UPP2: variants seen among roughly 807,000 people sequenced by gnomAD.
UPP2 encodes the protein UPase 2.
Under a neutral mutation model 26.7 loss-of-function variants are expected in UPP2, and 23 were observed. The observed-to-expected ratio is 0.86, with a 90% CI of 0.62 to 1.22. The LOEUF (loss-of-function observed/expected upper bound fraction) is 1.22. Among genes scored for constraint, UPP2 ranks in the 50% most tolerant of loss-of-function variants. UPP2 has a pLI of 0.00. For missense variants in UPP2, 387 were observed against 396.7 expected, an observed-to-expected ratio of 0.98 and a Z score of 0.21; for synonymous variants, 127 against 141.3, an observed-to-expected ratio of 0.90 and a Z score of 0.72.
At chr2:158,053,528 C>T (rs1377718825) in intron 3 of UPP2, among the ~76,000 whole-genome samples, 1 of 152,114 alleles carries the variant, frequency 6.6e-6, no homozygotes. Flanking sequence ...TAGCTCAGTA[C>T]CATGTACAGG....
chr2:157,996,964 A>T (rs1683332816), intron 2 of UPP2, among the ~76,000 whole-genome samples: 2 of 152,244 alleles, frequency 1.3e-5, no homozygotes, highest in South Asian at 4.1e-4. Context: ...AATATTGTTT[A>T]ATCAACTGCA....
intron 2 of UPP2, among the ~76,000 whole-genome samples, chr2:158,010,246 T>C (rs903055960): frequency 1.1e-4 from 17 of 152,168 alleles, no homozygotes; most frequent in African/African-American, 3.6e-4. Flanking sequence ...CTATAATAAT[T>C]ATGTATCACT....
intron 2 of UPP2, among the ~76,000 whole-genome samples, chr2:158,014,593 G>A (rs942222745): frequency 3.3e-5 from 5 of 152,136 alleles, no homozygotes; most frequent in East Asian, 1.9e-4. Flanking sequence ...CTTTTGCTGC[G>A]TGGCTATATT....
At chr2:158,131,193 G>A (rs1169860966) in intron 6 of UPP2, among the ~76,000 whole-genome samples, 1 of 152,182 alleles carries the variant, frequency 6.6e-6, no homozygotes, top group Non-Finnish European at 1.5e-5. Context: ...CCAGGAAGAG[G>A]TAGAAGAAAG....
chr2:158,095,117 G>A lies in UPP2; in HGVS notation c.148-6923G>A, dbSNP rs112303543. On this transcript the variant is annotated intron_variant, in intron 3 of 9. Transcript: ENST00000605860. ...GGCAGACAGAAATTGCTCCAGACAG[G>A]GTGGTGAGTTGGGCCCTGCTATTTG... is the stretch of plus-strand genomic sequence containing the variant. Among the ~76,000 whole-genome samples, 589 of 152,278 alleles carry A rather than the reference G, an allele frequency of 3.9e-3. 6 individuals are homozygous for A. The highest frequency in any genetic ancestry group is 0.013 in the African/African-American group (549 of 41,542).
chr2:158,123,966 G>A, intron 6 of UPP2, 71 bp downstream of exon 6: 2 of 1,531,898 alleles, frequency 1.3e-6, no homozygotes, highest in Admixed American at 4.1e-5. Context: ...CTTAGGAGAA[G>A]AAAAAGAGGT....
intron 1 of UPP2, among the ~76,000 whole-genome samples, chr2:158,103,374 C>T (rs1683116177): frequency 6.6e-6 from 1 of 152,056 alleles, no homozygotes. Context: ...AGAATTTCTC[C>T]TTGAAGATAG....
chr2:158,033,380 G>A (rs1276083221), intron 3 of UPP2, among the ~76,000 whole-genome samples: 1 of 152,116 alleles, frequency 6.6e-6, no homozygotes. Context: ...CATTTAGCTG[G>A]GCTCTTAGGG....
chr2:158,064,037 A>G (rs1371173638), intron 3 of UPP2, among the ~76,000 whole-genome samples: 1 of 152,196 alleles, frequency 6.6e-6, no homozygotes, highest in African/African-American at 2.4e-5. Context: ...GCTATTGTGA[A>G]TAGTGCTGCA....
intron 3 of UPP2, among the ~76,000 whole-genome samples, chr2:158,027,967 G>A (rs924816239): frequency 5.3e-5 from 8 of 152,180 alleles, no homozygotes; most frequent in Non-Finnish European, 8.8e-5. Context: ...TCCCTGGGCT[G>A]CACACAGCAC....
At position 158,092,709 on chromosome 2, in the gene UPP2, G is replaced by C. The variant is rs191680570; in HGVS notation, c.148-9331G>C. 1.1e-3 allele frequency among the ~76,000 whole-genome samples: 171 copies of C among 152,264 alleles called. 1 individual carries two copies. Among genetic ancestry groups the C allele is most frequent in the African/African-American group, 3.9e-3 (163 of 41,566 alleles). ...ACCATAAGACTAAAAGGGAGGAAGG[G>C]ATGAAAACAAGATAGATTAAGTTAC... On this transcript the variant is annotated intron_variant, in intron 3 of 9. Coordinates refer to the UPP2 transcript ENST00000605860.
At chr2:158,036,990 T>C (rs1684011520) in intron 3 of UPP2, among the ~76,000 whole-genome samples, 1 of 152,180 alleles carries the variant, frequency 6.6e-6, no homozygotes, top group South Asian at 2.1e-4. Flanking sequence ...GAAAGTTTCC[T>C]ATCTTCAAGT....
chr2:158,026,566 G>C (rs779538289), intron 3 of UPP2, among the ~76,000 whole-genome samples: 1 of 152,052 alleles, frequency 6.6e-6, no homozygotes, highest in Non-Finnish European at 1.5e-5. Context: ...TTGAGGAGAG[G>C]GGATACTTCA....
At chr2:158,027,404 G>T (rs188006945) in intron 3 of UPP2, among the ~76,000 whole-genome samples, 3 of 152,142 alleles carry the variant, frequency 2.0e-5, no homozygotes, top group Non-Finnish European at 4.4e-5. Flanking sequence ...ATTTTAAAGC[G>T]CCAAAATGAT....
intron 4 of UPP2, 54 bp from the exon 5 acceptor site, chr2:158,121,355 C>T: frequency 6.6e-6 from 10 of 1,525,386 alleles, no homozygotes; most frequent in Non-Finnish European, 4.5e-6. Flanking sequence ...TACTATGTGT[C>T]AAAAGTAAAC....
At chr2:158,063,496 A>G (rs1368819801) in intron 3 of UPP2, among the ~76,000 whole-genome samples, 1 of 152,114 alleles carries the variant, frequency 6.6e-6, no homozygotes, top group Non-Finnish European at 1.5e-5. Flanking sequence ...GCTGCTTGCA[A>G]CATGGCCACC....
Position 158,018,914 on chromosome 2 carries a change from G to A in UPP2, c.147+3028G>A, listed in dbSNP as rs200204085. On this transcript the variant is annotated intron_variant, in intron 3 of 9. Coordinates refer to the UPP2 transcript ENST00000605860. ...AGGAGGTGGTAGACAAATCCACTTT[G>A]TTTGTATTGGGTAATTTATTGAGGG... is the stretch of plus-strand genomic sequence containing the variant. Among the ~76,000 whole-genome samples, 4 of 152,072 alleles carry A rather than the reference G, an allele frequency of 2.6e-5. No homozygotes were observed. The East Asian group carries it at 7.7e-4, about 29-fold the overall frequency.
intron 2 of UPP2, among the ~76,000 whole-genome samples, chr2:158,013,225 G>A (rs941254319): frequency 6.6e-6 from 1 of 152,100 alleles, no homozygotes; most frequent in Admixed American, 6.6e-5. Flanking sequence ...CAAACTCCTG[G>A]CTTTAAGTGA....
chr2:158,115,080 C>G, intron 2 of UPP2, 21 bp from the exon 3 acceptor site: 2 of 1,580,384 alleles, frequency 1.3e-6, no homozygotes, highest in Non-Finnish European at 8.6e-7. Context: ...ATGGCAGGCC[C>G]TTGTTTATTT....
Sources: gnomAD v4.1 joint callset for allele counts (sites outside exome capture counted in the v4.1 genomes callset) on GRCh38, gnomAD v4.1.1 for gene constraint, MANE v1.5 for transcripts, NCBI Gene and HGNC (gene_info 2026-07-23, HGNC 2026-07-21) for gene names.